CD58: variants seen among roughly 807,000 people sequenced by gnomAD.
CD58 encodes the protein CD58 molecule.
Under a neutral mutation model 27.6 loss-of-function variants are expected in CD58, and 14 were observed. The ratio of observed to expected loss-of-function variants is 0.51; its 90% CI spans 0.34 to 0.79. The LOEUF is 0.79. Ranked by LOEUF, CD58 falls within the 30% of genes least tolerant of loss-of-function variation. CD58 has a pLI of 0.02. For synonymous variants in CD58, 117 were observed against 103.8 expected (o/e 1.13, Z -0.77); for missense variants, 268 against 301.7 (o/e 0.89, Z 0.83).
Position 116,515,426 on chromosome 1 carries a change from A to C in CD58, c.744-604T>G, listed in dbSNP as rs749292073. Among the ~76,000 whole-genome samples, 2 of 152,236 alleles carry C rather than the reference A, an allele frequency of 1.3e-5. No individual in the cohort carries two copies. The highest frequency in any genetic ancestry group is 2.9e-5 in the Non-Finnish European group (2 of 68,038). Reference sequence around the variant, plus strand: ...ACATTTGTATCTCATTGGTAACAAGAATTCATGAGAAATTAGTGCTGTGGT... The same window carrying C: ...ACATTTGTATCTCATTGGTAACAAGCATTCATGAGAAATTAGTGCTGTGGT... On this transcript the variant is annotated intron_variant, in intron 5 of 5. Transcript: ENST00000369489. The surrounding 1 kb of genome is among the most constrained non-coding windows in gnomAD (Gnocchi z 4.6).
chr1:116,540,952 G>A (rs1383364041), intron 2 of CD58, among the ~76,000 whole-genome samples: 1 of 152,060 alleles, frequency 6.6e-6, no homozygotes, highest in Non-Finnish European at 1.5e-5. Flanking sequence ...TGGGACTACA[G>A]GCATGCACCA....
chr1:116,533,805 T>C (rs1049723603), intron 3 of CD58: 2 of 753,680 alleles, frequency 2.7e-6, no homozygotes, highest in Admixed American at 3.6e-5. Context: ...GGTATAATGC[T>C]GCATATTTTC....
chr1:116,537,053 C>T (rs1344181866), intron 2 of CD58, among the ~76,000 whole-genome samples: 1 of 152,166 alleles, frequency 6.6e-6, no homozygotes, highest in Non-Finnish European at 1.5e-5. Context: ...GCCAGGAGTT[C>T]AAGACCAGCC....
intron 3 of CD58, chr1:116,533,143 C>T: frequency 2.6e-6 from 2 of 754,730 alleles, no homozygotes; most frequent in South Asian, 2.8e-5. Context: ...ATTTCAAAAT[C>T]AGAGGCTAAT....
chr1:116,566,045 T>C (rs530773082), intron 1 of CD58, among the ~76,000 whole-genome samples: 18 of 152,342 alleles, frequency 1.2e-4, no homozygotes, highest in Middle Eastern at 3.4e-3. Context: ...GAATATAGTA[T>C]TGCATATTCA....
rs999601770 is a variant in CD58, at chr1:116,519,937, G to T, written c.707-670C>A. On this transcript the variant is annotated intron_variant, in intron 4 of 5. Transcript: ENST00000369489. This position sits in a 1 kb window ranked among gnomAD's most constrained non-coding sequence, Gnocchi z 4.7. The stretch of plus-strand genomic sequence containing the variant: ...GGCATCCGCCTGACCCTAGAACTAT[G>T]CTAGTGGTTCAGAAGCTTAGTCAAT... Among the ~76,000 whole-genome samples the T allele has an allele frequency of 6.6e-6, 1 of 152,172 alleles. No homozygotes were observed. Among genetic ancestry groups the T allele is most frequent in the African/African-American group, 2.4e-5 (1 of 41,444 alleles).
At position 116,519,900 on chromosome 1, in the gene CD58, C is replaced by G. The variant is rs1400136439; in HGVS notation, c.707-633G>C. 6.6e-6 allele frequency among the ~76,000 whole-genome samples: 1 copy of G among 152,186 alleles called. No individual in the cohort carries two copies. Among genetic ancestry groups the G allele is most frequent in the Non-Finnish European group, 1.5e-5 (1 of 68,026 alleles). ...TCCCACACATGCATGCATCACTTTC[C>G]TGCCCACAGTAGGCATCCGCCTGAC... is the stretch of plus-strand genomic sequence containing the variant. On this transcript the variant is annotated intron_variant, in intron 4 of 5. Coordinates refer to ENST00000369489, the MANE Select transcript of CD58 (RefSeq NM_001779.3). This position sits in a 1 kb window ranked among gnomAD's most constrained non-coding sequence, Gnocchi z 4.7.
chr1:116,544,402 A>G lies in CD58; in HGVS notation c.273T>C (p.Thr91=). The G allele has an allele frequency of 6.2e-7, 1 of 1,612,902 alleles. No individual in the cohort carries two copies. Residue 91 remains threonine, a synonymous_variant, in exon 2 of 6, where the codon ACT becomes ACC. Coordinates refer to ENST00000369489, the MANE Select transcript of CD58 (RefSeq NM_001779.3). ...VYLDTVSGSL[T]IYNLTSSDED... ...CATCTGATGATGTTAAGTTGTAGAT[A>G]GTGAGGCTACCTGACACAGTGTCTA... is the stretch of plus-strand genomic sequence containing the variant.
rs1256764970 is a variant in CD58, at chr1:116,527,911, T to C, written c.629-5928A>G. On this transcript the variant is annotated intron_variant, in intron 3 of 5. Coordinates refer to ENST00000369489, the MANE Select transcript of CD58 (RefSeq NM_001779.3). The surrounding 1 kb of genome is among the most constrained non-coding windows in gnomAD (Gnocchi z 4.4). The stretch of plus-strand genomic sequence containing the variant: ...CCAAGTAGCTAGGACTACAGACACA[T>C]GCCACAACACCTCAGTAACTTTTTA... Among the ~76,000 whole-genome samples, 1 of 152,176 alleles carries C rather than the reference T, an allele frequency of 6.6e-6. No homozygotes were observed. The highest frequency in any genetic ancestry group is 2.4e-5 in the African/African-American group (1 of 41,434).
chr1:116,564,132 A>C lies in CD58; in HGVS notation c.70+6771T>G, dbSNP rs536605170. On this transcript the variant is annotated intron_variant, in intron 1 of 5. Transcript: ENST00000369489. ...AAATTTCTTCCACCAGATGCCCTAA[A>C]TAATTTCTCTCAAGTTCAAAGTTCC... Among the ~76,000 whole-genome samples, 455 of 152,330 alleles carry C rather than the reference A, an allele frequency of 3.0e-3. 3 individuals carry two copies. The highest frequency in any genetic ancestry group is 0.01 in the African/African-American group (424 of 41,568).
At position 116,515,470 on chromosome 1, in the gene CD58, G is replaced by A. The variant is rs143433214; in HGVS notation, c.744-648C>T. The stretch of plus-strand genomic sequence containing the variant: ...CTGTGGTCACAGGGGTGAGGTAAAG[G>A]ACAGCAAACTAGAAGTTTCCCTCCT... On this transcript the variant is annotated intron_variant, in intron 5 of 5. Transcript: ENST00000369489. This position sits in a 1 kb window ranked among gnomAD's most constrained non-coding sequence, Gnocchi z 4.6. Among the ~76,000 whole-genome samples, 851 of 152,330 alleles carry A rather than the reference G, an allele frequency of 5.6e-3. 5 individuals are homozygous for A. The highest frequency in any genetic ancestry group is 0.02 in the African/African-American group (816 of 41,572).
In CD58 at chr1:116,522,845, A is replaced by C. The variant is rs189157196; in HGVS notation, c.629-862T>G. On this transcript the variant is annotated intron_variant, in intron 3 of 5. Transcript: ENST00000369489. This position sits in a 1 kb window ranked among gnomAD's most constrained non-coding sequence, Gnocchi z 4.6. ...GTTGTATATAATAAGCCTTAAAAAT[A>C]TTTATCATGAAGCATCTAGACATTG... Among the ~76,000 whole-genome samples, 256 of 151,376 alleles carry C rather than the reference A, an allele frequency of 1.7e-3. No homozygotes were observed. Among genetic ancestry groups the C allele is most frequent in the African/African-American group, 6.1e-3 (247 of 40,694 alleles).
chr1:116,551,470 G>C (rs1446432604), intron 1 of CD58, among the ~76,000 whole-genome samples: 1 of 152,102 alleles, frequency 6.6e-6, no homozygotes. Flanking sequence ...ACCTCTCTCA[G>C]CCTTCACAGA....
intron 2 of CD58, among the ~76,000 whole-genome samples, chr1:116,537,211 G>T (rs1657842816): frequency 6.6e-6 from 1 of 152,190 alleles, no homozygotes; most frequent in Non-Finnish European, 1.5e-5. Context: ...GTGCACTCTA[G>T]CTCACTACAC....
intron 3 of CD58, chr1:116,533,600 A>G: frequency 1.4e-6 from 1 of 707,382 alleles, no homozygotes; most frequent in Non-Finnish European, 2.7e-6. Flanking sequence ...AAGATGGTAA[A>G]CCAGAACTCT....
chr1:116,560,797 C>T (rs566512858), intron 1 of CD58, among the ~76,000 whole-genome samples: 1 of 152,312 alleles, frequency 6.6e-6, no homozygotes, highest in African/African-American at 2.4e-5. Context: ...AAAATGTTTT[C>T]CCCTCCTTTT....
At chr1:116,533,985 TC>T in intron 3 of CD58, 2 of 1,404,400 alleles carry the variant, frequency 1.4e-6, no homozygotes, top group Non-Finnish European at 2.0e-6. Context: ...CTGCCAAAAC[TC>T]CAGGATTCTG....
intron 5 of CD58, 40 bp from the exon 6 acceptor site, chr1:116,514,862 TA>T: frequency 6.7e-7 from 1 of 1,495,314 alleles, no homozygotes; most frequent in Non-Finnish European, 9.3e-7. Flanking sequence ...TAAAATGCAG[TA>T]AATCTGGGCT....
At chr1:116,543,280 G>A (rs1001265711) in intron 2 of CD58, among the ~76,000 whole-genome samples, 1 of 152,108 alleles carries the variant, frequency 6.6e-6, no homozygotes, top group Non-Finnish European at 1.5e-5. Context: ...GTCAGCATCA[G>A]CATCATCAAG....
Sources: allele counts gnomAD v4.1 joint callset (sites outside exome capture counted in the v4.1 genomes callset), GRCh38; gene constraint gnomAD v4.1.1; non-coding constraint Gnocchi (gnomAD v3.1); transcripts MANE v1.5; gene names NCBI Gene and HGNC (gene_info 2026-07-23, HGNC 2026-07-21).